The following FAM168A variants were observed in gnomAD, a reference collection of about 807,000 sequenced individuals.
FAM168A encodes protein FAM168A.
A neutral mutation model predicts 28.5 loss-of-function variants in FAM168A; 3 were observed. The observed-to-expected ratio is 0.11, with a 90% CI of 0.05 to 0.27. The LOEUF (loss-of-function observed/expected upper bound fraction) is 0.27. FAM168A is among the 10% of genes least tolerant of loss of function. The pLI, the probability that FAM168A is intolerant of heterozygous loss-of-function variation, is 1.00. For synonymous variants in FAM168A, 122 were observed against 124.2 expected, an observed-to-expected ratio of 0.98 and a Z score of 0.12; for missense variants, 222 against 311.5, an observed-to-expected ratio of 0.71 and a Z score of 2.16.
chr11:73,431,758 T>C (rs1252498382), intron 2 of FAM168A, among the ~76,000 whole-genome samples: 1 of 152,148 alleles, frequency 6.6e-6, no homozygotes, highest in Non-Finnish European at 1.5e-5. Context: ...TTTTTGAAAT[T>C]TTTTTTATCA....
rs1318758355 is a variant in FAM168A, at chr11:73,400,874, G to A, written c.*5889C>T. ...GTAAATACCATAGTTACAAATTCTT[G>A]GCTTCAATCTTTCAGAGTGATCACT... is the stretch of plus-strand genomic sequence containing the variant. On this transcript the variant is annotated 3_prime_UTR_variant, in exon 8 of 8. Transcript: ENST00000356467. The A allele has an allele frequency of 6.6e-6, 1 of 151,338 alleles. No individual in the cohort carries two copies. The highest frequency in any genetic ancestry group is 1.9e-4 in the East Asian group (1 of 5,182). The allele number at this position is 151,338 out of a possible 1,614,324, so 9.4% of individuals were successfully genotyped here.
At chr11:73,547,784 G>A (rs1273345377) in intron 1 of FAM168A, among the ~76,000 whole-genome samples, 1 of 151,918 alleles carries the variant, frequency 6.6e-6, no homozygotes, top group East Asian at 1.9e-4. Flanking sequence ...TCTGTGTTCA[G>A]TGCAGCATTA....
rs948869148 is a variant in FAM168A at position 73,404,091 on chromosome 11, T to G, written c.*2672A>C. 4 of 152,234 alleles carry G rather than the reference T, an allele frequency of 2.6e-5. No individual in the cohort carries two copies. The highest frequency in any genetic ancestry group is 9.7e-5 in the African/African-American group (4 of 41,446). The allele number at this position is 152,234 out of a possible 1,614,324, so 9.4% of individuals were successfully genotyped here. On this transcript the variant is annotated 3_prime_UTR_variant, in exon 8 of 8. Coordinates refer to ENST00000356467, the MANE Select transcript of FAM168A (RefSeq NM_015159.3). ...AGAAATAACCTCTATTTCATCGGGT[T>G]AAACCAGATAATTTATGTTCAACTG...
At chr11:73,413,417 T>C (rs1297495620) in intron 4 of FAM168A, among the ~76,000 whole-genome samples, 1 of 152,176 alleles carries the variant, frequency 6.6e-6, no homozygotes, top group Non-Finnish European at 1.5e-5. Flanking sequence ...GAGTGAGAAG[T>C]CTAGAGCAGA....
chr11:73,434,975 A>G (rs890266006), intron 2 of FAM168A, among the ~76,000 whole-genome samples: 6 of 152,226 alleles, frequency 3.9e-5, no homozygotes, highest in South Asian at 4.1e-4. Context: ...CTAGCAGTGT[A>G]TAAGTGCCTG....
intron 1 of FAM168A, among the ~76,000 whole-genome samples, chr11:73,571,354 CCCTGCCTCAG>C (rs2134720263): frequency 1.3e-5 from 2 of 149,060 alleles, no homozygotes; most frequent in Admixed American, 1.4e-4. Flanking sequence ...TGCCTGATTC[CCCTGCCTCAG>C]CCTGCCGAGT....
At chr11:73,566,489 A>G (rs79540456) in intron 1 of FAM168A, among the ~76,000 whole-genome samples, 3,081 of 152,278 alleles carry the variant, frequency 0.02, 88 homozygotes, top group African/African-American at 0.063. Context: ...CAAAATCCAC[A>G]TGGAAAGACA....
Position 73,470,264 on chromosome 11 carries a change from A to T in FAM168A, c.-18-1772T>A, listed in dbSNP as rs147465557. Among the ~76,000 whole-genome samples the T allele has an allele frequency of 8.5e-4, 130 of 152,292 alleles. 1 individual carries two copies. The East Asian group carries it at 0.019, about 23-fold the overall frequency. On this transcript the variant is annotated intron_variant, in intron 1 of 7. Transcript: ENST00000356467. ...TGTCAAGTGACATGCAAATGTAAACAATGATGATGTGGCAATGTTGCTCAT... is the reference window on the plus strand; with the variant it reads ...TGTCAAGTGACATGCAAATGTAAACTATGATGATGTGGCAATGTTGCTCAT...
intron 1 of FAM168A, among the ~76,000 whole-genome samples, chr11:73,537,003 G>A (rs890910406): frequency 2.0e-5 from 3 of 152,178 alleles, no homozygotes; most frequent in Non-Finnish European, 2.9e-5. Flanking sequence ...TATGAGGAAG[G>A]AGGTCTCTCA....
chr11:73,577,892 C>T (rs186837097), intron 1 of FAM168A, among the ~76,000 whole-genome samples: 2 of 152,276 alleles, frequency 1.3e-5, no homozygotes, highest in South Asian at 2.1e-4. Context: ...AGCAACAGAA[C>T]GTCCCTTAGG....
chr11:73,491,193 G>C (rs577281980), intron 1 of FAM168A, among the ~76,000 whole-genome samples: 9 of 152,310 alleles, frequency 5.9e-5, no homozygotes, highest in African/African-American at 2.2e-4. Context: ...AGGCAGGTTA[G>C]GAGCTGATGG....
At chr11:73,527,297 A>G (rs1393360374) in intron 1 of FAM168A, among the ~76,000 whole-genome samples, 2 of 152,134 alleles carry the variant, frequency 1.3e-5, no homozygotes, top group African/African-American at 4.8e-5. Flanking sequence ...AACTGCCCCT[A>G]AAGGAAATGA....
intron 2 of FAM168A, among the ~76,000 whole-genome samples, chr11:73,455,032 A>G (rs1029202530): frequency 6.6e-6 from 1 of 152,230 alleles, no homozygotes; most frequent in African/African-American, 2.4e-5. Flanking sequence ...ACAAAAAGGC[A>G]AAGAGCCCAC....
intron 1 of FAM168A, among the ~76,000 whole-genome samples, chr11:73,492,483 T>A (rs2092401600): frequency 1.3e-5 from 2 of 151,528 alleles, no homozygotes; most frequent in Admixed American, 6.6e-5. Context: ...CAAAAAAAAT[T>A]TCAAAAAAAT....
At chr11:73,419,381 G>A (rs746230174) in intron 4 of FAM168A, among the ~76,000 whole-genome samples, 8 of 152,148 alleles carry the variant, frequency 5.3e-5, no homozygotes, top group Non-Finnish European at 1.0e-4. Context: ...AACATTTTTG[G>A]TTGTCACAAT....
chr11:73,446,038 T>C (rs1425311284), intron 2 of FAM168A, among the ~76,000 whole-genome samples: 2 of 152,342 alleles, frequency 1.3e-5, no homozygotes, highest in East Asian at 3.9e-4. Context: ...ATGAGCTATT[T>C]TATTTTTTCC....
At chr11:73,592,505 T>C (rs1385296639) in intron 1 of FAM168A, among the ~76,000 whole-genome samples, 1 of 152,230 alleles carries the variant, frequency 6.6e-6, no homozygotes, top group Non-Finnish European at 1.5e-5. Context: ...TGATTTCTGT[T>C]AACGTACCAG....
At position 73,545,631 on chromosome 11, in the gene FAM168A, A is replaced by G. The variant is rs1943738788; in HGVS notation, c.-19+52292T>C. Among the ~76,000 whole-genome samples, 3 of 151,462 alleles carry G rather than the reference A, an allele frequency of 2.0e-5. No homozygotes were observed. In the South Asian group the frequency reaches 6.3e-4, roughly 32 times the overall value. ...AGTAAAGCTCTTTAACTTTTAAAATATAATCTTGGGCTTATTTTGGATTCA... is the reference window on the plus strand; with the variant it reads ...AGTAAAGCTCTTTAACTTTTAAAATGTAATCTTGGGCTTATTTTGGATTCA... On this transcript the variant is annotated intron_variant, in intron 1 of 7. Transcript: ENST00000356467.
intron 2 of FAM168A, among the ~76,000 whole-genome samples, chr11:73,445,891 C>T (rs113067484): frequency 0.018 from 2,714 of 152,220 alleles, 82 homozygotes; most frequent in African/African-American, 0.061. Flanking sequence ...GAACATCTCC[C>T]ATAATGTTTT....
Sources: gnomAD v4.1 joint callset for allele counts (sites outside exome capture counted in the v4.1 genomes callset) on GRCh38, gnomAD v4.1.1 for gene constraint, MANE v1.5 for transcripts, NCBI Gene and HGNC (gene_info 2026-07-23, HGNC 2026-07-21) for gene names.